Variants in SRGAP1 observed in about 807,000 individuals in gnomAD.
SRGAP1 encodes SLIT-ROBO Rho GTPase-activating protein 1.
SRGAP1 carries 43 observed loss-of-function variants against 121.9 expected under a neutral mutation model. The observed-to-expected ratio is 0.35, with a 90% CI of 0.28 to 0.46. The LOEUF is 0.46. Among genes scored for constraint, SRGAP1 ranks in the 20% least tolerant of loss-of-function variants. SRGAP1 has a pLI of 1.00. For missense variants in SRGAP1, 1,102 were observed against 1,350.9 expected (o/e 0.82, Z 2.89); for synonymous variants, 447 against 485.4 (o/e 0.92, Z 1.04).
At chr12:63,950,955 G>T (rs73317344) in intron 1 of SRGAP1, among the ~76,000 whole-genome samples, 12,270 of 131,118 alleles carry the variant, frequency 0.094, 1,750 homozygotes, top group African/African-American at 0.31. Flanking sequence ...TTTTCTACTT[G>T]TTGCCATGTC....
At chr12:63,913,474 TATGG>T (rs1565947808) in intron 1 of SRGAP1, among the ~76,000 whole-genome samples, 1 of 108,294 alleles carries the variant, frequency 9.2e-6, no homozygotes, top group Admixed American at 1.0e-4. Flanking sequence ...TATATATATA[TATGG>T]ATATATATAT....
chr12:63,871,630 C>CT (rs1303024486), intron 1 of SRGAP1: 6 of 552,924 alleles, frequency 1.1e-5, no homozygotes, highest in Non-Finnish European at 1.9e-5. Flanking sequence ...GGGAGTTTTT[C>CT]TTTTTTCTTT....
intron 1 of SRGAP1, among the ~76,000 whole-genome samples, chr12:63,873,528 C>T (rs1357547097): frequency 7.5e-5 from 10 of 132,604 alleles, no homozygotes; most frequent in African/African-American, 2.6e-4. Flanking sequence ...AGTGAAAATC[C>T]GTCTCAAAAA....
intron 3 of SRGAP1, among the ~76,000 whole-genome samples, chr12:63,993,642 CA>C (rs1403614754): frequency 6.6e-6 from 1 of 151,934 alleles, no homozygotes; most frequent in African/African-American, 2.4e-5. Flanking sequence ...TAGTCAATGA[CA>C]AAAAATCATT....
chr12:64,117,588 G>A (rs559757854), intron 18 of SRGAP1, among the ~76,000 whole-genome samples: 129 of 152,210 alleles, frequency 8.5e-4, no homozygotes, highest in Non-Finnish European at 1.7e-3. Flanking sequence ...GTGTCTTGAG[G>A]TAATAAATAA....
chr12:63,973,032 A>G (rs1366882483), intron 1 of SRGAP1, among the ~76,000 whole-genome samples: 1 of 152,168 alleles, frequency 6.6e-6, no homozygotes, highest in Non-Finnish European at 1.5e-5. Context: ...CTGTAATCCC[A>G]GCTACATGGG....
At chr12:64,000,788 A>G (rs1228305385) in intron 3 of SRGAP1, among the ~76,000 whole-genome samples, 2 of 152,186 alleles carry the variant, frequency 1.3e-5, no homozygotes, top group Non-Finnish European at 2.9e-5. Context: ...TTGGAGATGA[A>G]AGAAGAGTTC....
chr12:64,052,477 C>A (rs1387278691), intron 6 of SRGAP1, among the ~76,000 whole-genome samples: 2 of 151,906 alleles, frequency 1.3e-5, no homozygotes, highest in African/African-American at 4.8e-5. Flanking sequence ...ATCGCTTGAA[C>A]CTGGGAGGTG....
At chr12:63,993,722 G>T (rs2033619677) in intron 3 of SRGAP1, among the ~76,000 whole-genome samples, 4 of 151,986 alleles carry the variant, frequency 2.6e-5, no homozygotes, top group African/African-American at 9.7e-5. Flanking sequence ...CTGTCTAAAT[G>T]GATATAATAA....
At chr12:64,048,435 C>A (rs1420677786) in intron 6 of SRGAP1, among the ~76,000 whole-genome samples, 1 of 152,170 alleles carries the variant, frequency 6.6e-6, no homozygotes, top group Non-Finnish European at 1.5e-5. Context: ...CAAATCTTGA[C>A]TATTGTGAAT....
intron 3 of SRGAP1, among the ~76,000 whole-genome samples, chr12:64,003,550 CA>C (rs2033979945): frequency 9.0e-6 from 1 of 110,982 alleles, no homozygotes; most frequent in Admixed American, 8.7e-5. Context: ...AAAACAACAA[CA>C]AAAAAATTCA....
intron 1 of SRGAP1, among the ~76,000 whole-genome samples, chr12:63,909,453 A>G (rs1300393064): frequency 2.6e-5 from 4 of 152,164 alleles, no homozygotes; most frequent in Non-Finnish European, 4.4e-5. Flanking sequence ...GCATTCTGGC[A>G]TTTCTTTTCA....
chr12:63,931,159 A>G (rs1352204214), intron 1 of SRGAP1, among the ~76,000 whole-genome samples: 3 of 152,172 alleles, frequency 2.0e-5, no homozygotes, highest in South Asian at 4.2e-4. Flanking sequence ...TGGCCAGATG[A>G]TTCACATTCG....
At chr12:64,063,827 A>G (rs1232311223) in intron 7 of SRGAP1, among the ~76,000 whole-genome samples, 1 of 152,082 alleles carries the variant, frequency 6.6e-6, no homozygotes, top group East Asian at 1.9e-4. Context: ...TATTATGGTG[A>G]CAGTCTGTTT....
At chr12:63,964,106 C>T (rs553598308) in intron 1 of SRGAP1, among the ~76,000 whole-genome samples, 2 of 152,236 alleles carry the variant, frequency 1.3e-5, no homozygotes. Context: ...CACCCAGCTT[C>T]AGCTACCAGC....
intron 1 of SRGAP1, among the ~76,000 whole-genome samples, chr12:63,927,485 G>T (rs1256622161): frequency 5.3e-5 from 8 of 152,150 alleles, no homozygotes; most frequent in Admixed American, 2.0e-4. Context: ...CATATTCCCT[G>T]TTTCTGACCC....
chr12:63,910,264 T>G lies in SRGAP1; in HGVS notation c.67+65381T>G, dbSNP rs183196445. Among the ~76,000 whole-genome samples, 17 of 152,350 alleles carry G rather than the reference T, an allele frequency of 1.1e-4. No homozygotes were observed. In the East Asian group the frequency reaches 2.1e-3, roughly 19 times the overall value. On this transcript the variant is annotated intron_variant, in intron 1 of 21. Coordinates refer to ENST00000355086, the MANE Select transcript of SRGAP1 (RefSeq NM_020762.4). Reference sequence around the variant, plus strand: ...TTGAGAGTTATAATTTTGGCAAGATTATTTCTGCTAGCAGGTGTTCTTTAT... The same window carrying G: ...TTGAGAGTTATAATTTTGGCAAGATGATTTCTGCTAGCAGGTGTTCTTTAT...
chr12:64,000,940 A>C (rs1406788452), intron 3 of SRGAP1, among the ~76,000 whole-genome samples: 1 of 152,216 alleles, frequency 6.6e-6, no homozygotes, highest in African/African-American at 2.4e-5. Context: ...CAACCCTTGG[A>C]GGGACCGATA....
intron 4 of SRGAP1, among the ~76,000 whole-genome samples, chr12:64,032,166 C>T (rs2034796141): frequency 6.6e-6 from 1 of 152,134 alleles, no homozygotes; most frequent in African/African-American, 2.4e-5. Context: ...AAGGGGGAAA[C>T]AGAACTCTCC....
Sources: allele counts gnomAD v4.1 joint callset (sites outside exome capture counted in the v4.1 genomes callset), GRCh38; gene constraint gnomAD v4.1.1; transcripts MANE v1.5; gene names NCBI Gene and HGNC (gene_info 2026-07-23, HGNC 2026-07-21).